The following ACACA variants were observed in gnomAD, a reference collection of about 807,000 sequenced individuals.
ACACA encodes acetyl-CoA carboxylase alpha, also known as acetyl-CoA carboxylase 1.
In ACACA, 103 loss-of-function variants were observed where a neutral mutation model predicts 296.1. That is an observed-to-expected ratio of 0.35 (90% CI 0.30 to 0.41). ACACA has a LOEUF of 0.41. ACACA is among the 10% of genes least tolerant of loss of function. ACACA has a pLI of 1.00. For synonymous variants in ACACA, 953 were observed against 1,038.6 expected (o/e 0.92, Z 1.58); for missense variants, 1,554 against 2,989.7 (o/e 0.52, Z 11.20).
At chr17:37,102,406 T>C (rs2073419811) in intron 52 of ACACA, among the ~76,000 whole-genome samples, 1 of 152,088 alleles carries the variant, frequency 6.6e-6, no homozygotes, top group African/African-American at 2.4e-5. Flanking sequence ...GGTTTTACCA[T>C]GTTGGCCAGA....
intron 41 of ACACA, among the ~76,000 whole-genome samples, chr17:37,170,538 A>G (rs1187068172): frequency 6.6e-6 from 1 of 152,146 alleles, no homozygotes; most frequent in Non-Finnish European, 1.5e-5. Context: ...CTGATGCTCC[A>G]AACAGTGATT....
chr17:37,266,240 C>T (rs2146321812), intron 10 of ACACA, among the ~76,000 whole-genome samples: 1 of 152,018 alleles, frequency 6.6e-6, no homozygotes, highest in Middle Eastern at 3.4e-3. Context: ...ATGGTGAAAC[C>T]TCATCTCTAG....
intron 51 of ACACA, among the ~76,000 whole-genome samples, chr17:37,112,049 A>ACTAT (rs10531552): frequency 0.11 from 16,135 of 149,380 alleles, 912 homozygotes; most frequent in Middle Eastern, 0.14. Context: ...CTTCATCAAT[A>ACTAT]CTATCTATCT....
intron 29 of ACACA, among the ~76,000 whole-genome samples, chr17:37,219,419 GA>G (rs1193204558): frequency 6.6e-6 from 1 of 152,062 alleles, no homozygotes; most frequent in Non-Finnish European, 1.5e-5. Flanking sequence ...ATCAAACTGA[GA>G]AAATTGAGGG....
chr17:37,165,675 A>AT (rs61254387), intron 41 of ACACA, among the ~76,000 whole-genome samples: 38,239 of 139,638 alleles, frequency 0.27, 5,861 homozygotes, highest in African/African-American at 0.38. Context: ...TGTGTAGAGA[A>AT]TTTTTTTTTT....
At chr17:37,318,966 CATT>C (rs2047220216) in intron 3 of ACACA, among the ~76,000 whole-genome samples, 1 of 152,142 alleles carries the variant, frequency 6.6e-6, no homozygotes, top group Non-Finnish European at 1.5e-5. Context: ...AAAATATCAT[CATT>C]AATGCAATTA....
Position 37,168,710 on chromosome 17 carries a change from C to T in ACACA, c.5080-6660G>A, listed in dbSNP as rs1258193192. ...AAAGAGAAAGAAATATCAAGAACTA[C>T]GTTAGTTTGTTGGGTTATCATTTCA... On this transcript the variant is annotated intron_variant, in intron 41 of 55. Coordinates refer to ENST00000616317, the MANE Select transcript of ACACA (RefSeq NM_198834.3). 2.0e-5 allele frequency among the ~76,000 whole-genome samples: 3 copies of T among 151,972 alleles called. No individual in the cohort carries two copies. In the East Asian group the frequency reaches 5.8e-4, roughly 29 times the overall value.
intron 40 of ACACA, among the ~76,000 whole-genome samples, chr17:37,179,744 G>A (rs558321023): frequency 6.6e-6 from 1 of 152,008 alleles, no homozygotes; most frequent in East Asian, 1.9e-4. Context: ...ACAAAGAAAA[G>A]GAAAATCCTA....
chr17:37,260,269 TATATATATATATATATATATA>T (rs2081403222), intron 11 of ACACA, among the ~76,000 whole-genome samples: 1 of 23,082 alleles, frequency 4.3e-5, no homozygotes, highest in Non-Finnish European at 7.2e-5. Context: ...TATATATATA[TATATATATATATATATATATA>T]TATATATTTT....
intron 5 of ACACA, among the ~76,000 whole-genome samples, chr17:37,282,955 A>T (rs921206712): frequency 6.6e-6 from 1 of 152,228 alleles, no homozygotes; most frequent in Non-Finnish European, 1.5e-5. Flanking sequence ...CCACTTACGC[A>T]TTCCAAAGAA....
intron 1 of ACACA, among the ~76,000 whole-genome samples, chr17:37,359,388 C>A (rs906625586): frequency 4.6e-5 from 7 of 151,704 alleles, no homozygotes; most frequent in Non-Finnish European, 1.0e-4. Flanking sequence ...ATCTGCCATT[C>A]GGGGCCCAGC....
intron 14 of ACACA, among the ~76,000 whole-genome samples, chr17:37,253,598 C>A (rs2081094738): frequency 6.6e-6 from 1 of 152,062 alleles, no homozygotes; most frequent in Non-Finnish European, 1.5e-5. Flanking sequence ...ATCAGCAAAT[C>A]AGAAACATTT....
chr17:37,243,540 C>T lies in ACACA; in HGVS notation c.2762G>A (p.Arg921Gln), dbSNP rs770987352. The T allele has an allele frequency of 8.1e-6, 13 of 1,614,006 alleles. No homozygotes were observed. The highest frequency in any genetic ancestry group is 4.5e-5 in the East Asian group (2 of 44,878). Residue 921 changes from arginine (R) to glutamine (Q), a missense_variant, in exon 22 of 56, where the codon CGA becomes CAA. Arg to Gln is a conservative substitution (Grantham distance 43). Coordinates refer to ENST00000616317, the MANE Select transcript of ACACA (RefSeq NM_198834.3). ...GGGATCTCTGAGGGTTTTCATCAAT[C>T]GCTCTACCCAGTCTTTTACCTAGAA... ...FSSKVKDWVE[R>Q]LMKTLRDPSL...
At chr17:37,240,403 C>A in intron 24 of ACACA, 73 bp downstream of exon 24, 1 of 1,331,698 alleles carries the variant, frequency 7.5e-7, no homozygotes, top group East Asian at 2.4e-5. Context: ...TTACACAGTC[C>A]TATAGGGATA....
chr17:37,169,259 C>T (rs1043490978), intron 41 of ACACA, among the ~76,000 whole-genome samples: 8 of 152,168 alleles, frequency 5.3e-5, no homozygotes, highest in Non-Finnish European at 1.2e-4. Context: ...TGTAGAAGCA[C>T]CATAGCCATT....
chr17:37,215,125 G>A (rs1047537358), intron 29 of ACACA, among the ~76,000 whole-genome samples: 15 of 152,136 alleles, frequency 9.9e-5, no homozygotes, highest in Non-Finnish European at 1.5e-4. Context: ...AAACACAGCC[G>A]ACCTCTTCTG....
At chr17:37,091,581 G>A (rs1370337801) in intron 54 of ACACA, among the ~76,000 whole-genome samples, 2 of 151,522 alleles carry the variant, frequency 1.3e-5, no homozygotes, top group African/African-American at 2.4e-5. Flanking sequence ...GAGTTTACAG[G>A]TTTTTTTTTC....
intron 47 of ACACA, among the ~76,000 whole-genome samples, chr17:37,128,361 G>A (rs2074928081): frequency 4.6e-5 from 7 of 152,264 alleles, no homozygotes; most frequent in Middle Eastern, 3.4e-3. Context: ...GTGCTTTACA[G>A]TCCCACCTGG....
At chr17:37,266,377 G>A (rs1382122274) in intron 10 of ACACA, among the ~76,000 whole-genome samples, 1 of 150,134 alleles carries the variant, frequency 6.7e-6, no homozygotes, top group Non-Finnish European at 1.5e-5. Flanking sequence ...TCGCGCCACT[G>A]CACTCCAGCC....
Sources: allele counts gnomAD v4.1 joint callset (sites outside exome capture counted in the v4.1 genomes callset), GRCh38; gene constraint gnomAD v4.1.1; transcripts MANE v1.5; gene names NCBI Gene and HGNC (gene_info 2026-07-23, HGNC 2026-07-21).